The following MICALL1 variants were observed in gnomAD, a reference collection of about 807,000 sequenced individuals.
The protein encoded by MICALL1 is MICAL-like protein 1.
MICALL1 carries 61 observed loss-of-function variants against 83.7 expected under a neutral mutation model. The observed-to-expected ratio is 0.73, with a 90% CI of 0.59 to 0.90. The LOEUF (loss-of-function observed/expected upper bound fraction) is 0.90. Among genes scored for constraint, MICALL1 ranks in the 40% least tolerant of loss-of-function variants. MICALL1 has a pLI of 0.00. For synonymous variants in MICALL1, 481 were observed against 473.6 expected (o/e 1.02, Z -0.20); for missense variants, 1,066 against 1,152.0 (o/e 0.93, Z 1.08).
intron 5 of MICALL1, among the ~76,000 whole-genome samples, chr22:37,920,738 G>A (rs946292279): frequency 3.9e-5 from 6 of 151,992 alleles, no homozygotes; most frequent in African/African-American, 1.5e-4. Context: ...TGGCTAACAC[G>A]GTGAAACCCC....
Position 37,927,593 on chromosome 22 carries a change from A to T in MICALL1, c.1648A>T (p.Asn550Tyr). The change falls in exon 9 of 16, where the codon AAC (asparagine) becomes TAC (tyrosine). Residue 550 changes from asparagine (N) to tyrosine (Y), a missense_variant. By Grantham distance (143) the Asn-to-Tyr change is moderately radical. Transcript: ENST00000215957. ...TGTCCATGCCCCTGGTACCCCTGGA[A>T]ACCCTGTCAGCCTCTCTACCAACTC... ...PAVHAPGTPG[N>Y]PVSLSTNSSL... The T allele has an allele frequency of 6.2e-7, 1 of 1,613,482 alleles. No individual in the cohort carries two copies. The highest frequency in any genetic ancestry group is 2.2e-5 in the East Asian group (1 of 44,832).
At chr22:37,926,367 G>T (rs1296586773) in intron 8 of MICALL1, among the ~76,000 whole-genome samples, 1 of 152,170 alleles carries the variant, frequency 6.6e-6, no homozygotes. Context: ...GTGCTGTCTA[G>T]TGGTGTGCTC....
rs1445615698 is a variant in MICALL1 at position 37,938,879 on chromosome 22, C to T, written c.2470+1087C>T. Among the ~76,000 whole-genome samples the T allele has an allele frequency of 4.6e-5, 7 of 152,218 alleles. No individual in the cohort carries two copies. In the East Asian group the frequency reaches 1.2e-3, roughly 25 times the overall value. On this transcript the variant is annotated intron_variant, in intron 15 of 15. Transcript: ENST00000215957. ...CCGCTCGCCTCGGCCTCCCAAAGTG[C>T]TGGGATTATAGGTGTGAGCCACTGC...
intron 8 of MICALL1, chr22:37,927,011 G>A (rs969357870): frequency 1.6e-5 from 4 of 243,772 alleles, no homozygotes; most frequent in East Asian, 7.9e-5. Flanking sequence ...ATTGGTGCCC[G>A]GCAGTGCCTG....
Position 37,922,317 on chromosome 22 carries a change from C to T in MICALL1, c.915C>T (p.Pro305=). The change falls in exon 6 of 16, where the codon CCC becomes CCT. Residue 305 remains proline, a synonymous_variant. Coordinates refer to ENST00000215957, the MANE Select transcript of MICALL1 (RefSeq NM_033386.4). ...SPPAGRPTPA[P]RKASESTTPA... ...CTGCGGGCCGCCCCACCCCTGCCCC[C>T]AGGAAGGCCTCTGAGAGCACCACCC... 6.5e-7 allele frequency: 1 copy of T among 1,535,204 alleles called. No individual in the cohort carries two copies.
At chr22:37,919,575 A>T (rs1281331549) in intron 5 of MICALL1, among the ~76,000 whole-genome samples, 1 of 148,840 alleles carries the variant, frequency 6.7e-6, no homozygotes, top group Non-Finnish European at 1.5e-5. Flanking sequence ...GGCAGAGGTT[A>T]CAGGAAGCCG....
chr22:37,910,852 A>C (rs1928273483), intron 1 of MICALL1, among the ~76,000 whole-genome samples: 1 of 152,146 alleles, frequency 6.6e-6, no homozygotes. Flanking sequence ...CCTGATTTGC[A>C]CATGGGACAA....
Position 37,932,208 on chromosome 22 carries a change from A to C in MICALL1, c.2016+275A>C, listed in dbSNP as rs1006749900. 4.6e-5 allele frequency among the ~76,000 whole-genome samples: 7 copies of C among 152,272 alleles called. No individual in the cohort carries two copies. Among genetic ancestry groups the C allele is most frequent in the African/African-American group, 1.7e-4 (7 of 41,476 alleles). ...ATCAAGCACTCATGATAACACTGCT[A>C]CTTAAGCTGATTAGAGTGTTCTCAA... On this transcript the variant is annotated intron_variant, in intron 10 of 15. Coordinates refer to ENST00000215957, the MANE Select transcript of MICALL1 (RefSeq NM_033386.4). This position sits in a 1 kb window ranked among gnomAD's most constrained non-coding sequence, Gnocchi z 4.4.
Position 37,912,266 on chromosome 22 carries a change from G to A in MICALL1, c.196-85G>A, listed in dbSNP as rs921292723. The A allele has an allele frequency of 5.3e-6, 8 of 1,502,584 alleles. No individual in the cohort carries two copies. In the African/African-American group the frequency reaches 1.1e-4, roughly 21 times the overall value. 93.1% of individuals were successfully genotyped at this position (1,502,584 alleles called of 1,614,324 possible). On this transcript the variant is annotated intron_variant, in intron 2 of 15. Coordinates refer to ENST00000215957, the MANE Select transcript of MICALL1 (RefSeq NM_033386.4). ...TCACCCCATCCCACTGAAGGGAGCT[G>A]GGCCTAGGCTGAGGGGTCGCCCCCT... is the stretch of plus-strand genomic sequence containing the variant.
intron 13 of MICALL1, among the ~76,000 whole-genome samples, chr22:37,933,574 A>C (rs941004163): frequency 6.6e-6 from 1 of 152,180 alleles, no homozygotes; most frequent in Non-Finnish European, 1.5e-5. Context: ...ACCAGGAGAC[A>C]GTGGACGTGG....
chr22:37,917,194 AC>A (rs2145895734), intron 3 of MICALL1, among the ~76,000 whole-genome samples: 2 of 152,142 alleles, frequency 1.3e-5, no homozygotes, highest in South Asian at 4.2e-4. Flanking sequence ...TCTTAGAGGA[AC>A]CCAGGGTGGG....
intron 3 of MICALL1, among the ~76,000 whole-genome samples, chr22:37,913,104 A>G (rs1353226369): frequency 6.6e-6 from 1 of 151,850 alleles, no homozygotes; most frequent in Non-Finnish European, 1.5e-5. Flanking sequence ...CTGGGATTAC[A>G]GGCACCCACC....
rs1325681692 is a variant in MICALL1, at chr22:37,927,509, A to G, written c.1564A>G (p.Thr522Ala). Residue 522 changes from threonine (T) to alanine (A), a missense_variant, in exon 9 of 16, where the codon ACT (threonine) becomes GCT (alanine). Thr to Ala is a moderately conservative substitution (Grantham distance 58). Transcript: ENST00000215957. ...CCTGTCGTCTGAGAGCGCCAGCCAG[A>G]CTGCAGGTGCAGAGCTTCTGGAGCC... is the stretch of plus-strand genomic sequence containing the variant. Reference protein sequence around the residue: ...ESLSSESASQTAGAELLEPPA... With the variant: ...ESLSSESASQAAGAELLEPPA... The G allele has an allele frequency of 6.2e-7, 1 of 1,612,864 alleles. No individual in the cohort carries two copies.
rs1929838016 is a variant in MICALL1, at chr22:37,932,440, G to A, written c.2017-113G>A. ...CCTGCCTTCTTACCATGCTGGGGTG[G>A]GGGACAGGGCCCGGGCCCTGGAGCC... On this transcript the variant is annotated intron_variant, in intron 10 of 15. Transcript: ENST00000215957. This position sits in a 1 kb window ranked among gnomAD's most constrained non-coding sequence, Gnocchi z 4.4. 6 of 1,505,290 alleles carry A rather than the reference G, an allele frequency of 4.0e-6. No homozygotes were observed. Among genetic ancestry groups the A allele is most frequent in the Non-Finnish European group, 5.4e-6 (6 of 1,119,602 alleles). The allele number at this position is 1,505,290 out of a possible 1,614,324, so 93.2% of individuals were successfully genotyped here.
At chr22:37,936,628 C>T (rs965666174) in intron 13 of MICALL1, among the ~76,000 whole-genome samples, 1 of 152,204 alleles carries the variant, frequency 6.6e-6, no homozygotes, top group East Asian at 1.9e-4. Context: ...CGCGGTGGCT[C>T]ACGCCTGTAA....
intron 3 of MICALL1, among the ~76,000 whole-genome samples, chr22:37,917,152 G>T (rs542883585): frequency 3.9e-5 from 6 of 152,082 alleles, no homozygotes; most frequent in African/African-American, 7.2e-5. Flanking sequence ...GATTATAGAC[G>T]TGAGCCACTG....
chr22:37,937,186 C>G lies in MICALL1; in HGVS notation c.2415C>G (p.Asp805Glu). 1 of 1,551,018 alleles carries G rather than the reference C, an allele frequency of 6.4e-7. No individual in the cohort carries two copies. The highest frequency in any genetic ancestry group is 8.7e-7 in the Non-Finnish European group (1 of 1,146,766). Residue 805 changes from aspartate to glutamate, a missense_variant, in exon 14 of 16, where the codon GAC becomes GAG. Coordinates refer to ENST00000215957, the MANE Select transcript of MICALL1 (RefSeq NM_033386.4). The stretch of plus-strand genomic sequence containing the variant: ...CTATCATCAACTGCCTGGATGAGGA[C>G]CGGCAGAGGTGACATGGCCAGGGGT... ...RNAIINCLDEDRQREEEEDKM... is the reference protein window; with the variant it reads ...RNAIINCLDEERQREEEEDKM...
intron 9 of MICALL1, among the ~76,000 whole-genome samples, chr22:37,929,383 T>C (rs1929666222): frequency 6.6e-6 from 1 of 151,320 alleles, no homozygotes; most frequent in African/African-American, 2.4e-5. Flanking sequence ...CAGGGGGAGG[T>C]GCTATAATGT....
intron 1 of MICALL1, among the ~76,000 whole-genome samples, chr22:37,909,973 G>T (rs1229896235): frequency 6.6e-6 from 1 of 152,220 alleles, no homozygotes; most frequent in African/African-American, 2.4e-5. Context: ...CTGCTGGGAC[G>T]AGGGTTGTGG....
Sources: allele counts gnomAD v4.1 joint callset (sites outside exome capture counted in the v4.1 genomes callset), GRCh38; gene constraint gnomAD v4.1.1; non-coding constraint Gnocchi (gnomAD v3.1); transcripts MANE v1.5; gene names NCBI Gene and HGNC (gene_info 2026-07-23, HGNC 2026-07-21).